Variants in VIRMA observed in about 807,000 individuals in gnomAD.
VIRMA encodes vir like m6A methyltransferase associated.
Under a neutral mutation model 182.4 loss-of-function variants are expected in VIRMA, and 65 were observed. That is an observed-to-expected ratio of 0.36 (90% CI 0.29 to 0.44). The LOEUF (loss-of-function observed/expected upper bound fraction) is 0.44. VIRMA is among the 20% of genes least tolerant of loss of function. The pLI, the probability that VIRMA is intolerant of heterozygous loss-of-function variation, is 1.00. For missense variants in VIRMA, 1,752 were observed against 2,158.1 expected, an observed-to-expected ratio of 0.81 and a Z score of 3.73; for synonymous variants, 709 against 743.1, an observed-to-expected ratio of 0.95 and a Z score of 0.75.
In VIRMA at chr8:94,516,907, G is replaced by A. The variant is rs545824198; in HGVS notation, c.2668+881C>T. Among the ~76,000 whole-genome samples, 120 of 152,180 alleles carry A rather than the reference G, an allele frequency of 7.9e-4. 1 individual carries two copies. In the South Asian group the frequency reaches 0.012, roughly 15 times the overall value. On this transcript the variant is annotated intron_variant, in intron 10 of 23. Coordinates refer to ENST00000297591, the MANE Select transcript of VIRMA (RefSeq NM_015496.5). ...AGCATTTTTACAATATTTACTCAAC[G>A]TTATCAAATTTTCTACTTGATAAGG...
intron 4 of VIRMA, among the ~76,000 whole-genome samples, chr8:94,535,898 C>T (rs1434282486): frequency 6.6e-6 from 1 of 152,122 alleles, no homozygotes; most frequent in Non-Finnish European, 1.5e-5. Flanking sequence ...CAATATTTCC[C>T]TATAAGAAAA....
intron 4 of VIRMA, 114 bp downstream of exon 4, chr8:94,536,989 A>G (rs1815367818): frequency 1.5e-5 from 12 of 799,542 alleles, no homozygotes; most frequent in Non-Finnish European, 2.1e-6. Context: ...AAAAAACACA[A>G]AGAAAAAAAA....
At chr8:94,526,143 G>T in intron 8 of VIRMA, 80 bp downstream of exon 8, 1 of 1,147,092 alleles carries the variant, frequency 8.7e-7, no homozygotes, top group Non-Finnish European at 1.2e-6. Flanking sequence ...CCTACAATCA[G>T]ATAAAAAGCA....
At position 94,540,482 on chromosome 8, in the gene VIRMA, G is replaced by A. The variant is rs201958845; in HGVS notation, c.180-2136C>T. Among the ~76,000 whole-genome samples the A allele has an allele frequency of 4.0e-4, 13 of 32,420 alleles. No individual in the cohort carries two copies. The East Asian group carries it at 7.5e-3, about 19-fold the overall frequency. 21.3% of individuals were successfully genotyped at this position (32,420 alleles called of 152,430 possible). ...TTTTCTTTTTTTTTTTTTTTTTTTT[G>A]AGACGGAGTCTTGCTCTTGTCGCCC... On this transcript the variant is annotated intron_variant, in intron 2 of 23. Coordinates refer to ENST00000297591, the MANE Select transcript of VIRMA (RefSeq NM_015496.5).
chr8:94,552,003 G>A (rs1816004520), intron 1 of VIRMA, among the ~76,000 whole-genome samples: 1 of 152,246 alleles, frequency 6.6e-6, no homozygotes, highest in Admixed American at 6.5e-5. Context: ...TTACAGGCAT[G>A]AGCCACTGCG....
At chr8:94,552,603 C>A (rs879525483) in intron 1 of VIRMA, among the ~76,000 whole-genome samples, 3 of 151,814 alleles carry the variant, frequency 2.0e-5, no homozygotes, top group Admixed American at 2.0e-4. Context: ...AGACTTCATT[C>A]AAGTTCATTT....
intron 19 of VIRMA, 112 bp downstream of exon 19, chr8:94,495,619 T>A (rs1007740165): frequency 1.5e-4 from 105 of 705,810 alleles, no homozygotes; most frequent in Non-Finnish European, 2.3e-4. Flanking sequence ...CTGCAAAGCC[T>A]AGAATTCTTA....
Position 94,488,727 on chromosome 8 carries a change from A to C in VIRMA, c.5418T>G (p.His1806Gln). 6.2e-7 allele frequency: 1 copy of C among 1,614,204 alleles called. No individual in the cohort carries two copies. The highest frequency in any genetic ancestry group is 8.5e-7 in the Non-Finnish European group (1 of 1,180,028). ...ATTTTTATCGTGTAAAGGAGCGTAC[A>C]TGACGACCTCTACCACTGCCTCCAC... ...FVSGGSGRGR[H>Q]VRSFTR Residue 1806 changes from histidine to glutamine, a missense_variant, in exon 24 of 24, where the codon CAT becomes CAG. Physicochemically the swap from His to Gln is conservative, Grantham distance 24 (BLOSUM62 0). This residue lies in a region of VIRMA where 132 missense variants were observed against 173.8 expected (regional missense o/e 0.76). Transcript: ENST00000297591.
chr8:94,503,585 TG>T (rs1279459932), intron 16 of VIRMA, among the ~76,000 whole-genome samples: 1 of 152,144 alleles, frequency 6.6e-6, no homozygotes, highest in Non-Finnish European at 1.5e-5. Flanking sequence ...CATTGGATCC[TG>T]GAACAGGAAA....
intron 8 of VIRMA, among the ~76,000 whole-genome samples, chr8:94,524,497 G>A (rs565233505): frequency 8.6e-5 from 13 of 151,888 alleles, no homozygotes; most frequent in African/African-American, 2.9e-4. Flanking sequence ...TAGAGACAGG[G>A]TTTCGTCATG....
At position 94,495,582 on chromosome 8, in the gene VIRMA, A is replaced by G. The variant is rs1813743997; in HGVS notation, c.4544+149T>C. The G allele has an allele frequency of 4.8e-5, 22 of 454,578 alleles. No homozygotes were observed. In the East Asian group the frequency reaches 7.6e-4, roughly 16 times the overall value. 28.2% of individuals were successfully genotyped at this position (454,578 alleles called of 1,614,324 possible). On this transcript the variant is annotated intron_variant, in intron 19 of 23. Coordinates refer to ENST00000297591, the MANE Select transcript of VIRMA (RefSeq NM_015496.5). ...TAAAAAAAAAAAAAAAAAACTAAAG[A>G]AGAATACACAACAGAGGCTGTATGG...
chr8:94,545,485 C>T (rs1480160419), intron 1 of VIRMA, among the ~76,000 whole-genome samples: 8 of 152,110 alleles, frequency 5.3e-5, no homozygotes, highest in Non-Finnish European at 1.0e-4. Flanking sequence ...TCTGTATTTG[C>T]TGCTACCAGT....
At position 94,526,667 on chromosome 8, in the gene VIRMA, T is replaced by C. The variant is rs780843918; in HGVS notation, c.1577A>G (p.Asn526Ser). The C allele has an allele frequency of 1.8e-5, 29 of 1,613,976 alleles. No homozygotes were observed. The highest frequency in any genetic ancestry group is 2.3e-5 in the Non-Finnish European group (27 of 1,180,012). ...AAGCTTTTGATAACCACTTTTTTCA[T>C]TCTGCCTACCTCTTAAAAAAGCTTC... Reference protein sequence around the residue: ...GMEAFLRGRQNEKSGYQKLLE... With the variant: ...GMEAFLRGRQSEKSGYQKLLE... Residue 526 changes from asparagine to serine, a missense_variant, in exon 8 of 24, where the codon AAT becomes AGT. Asn to Ser is a conservative substitution (Grantham distance 46). Transcript: ENST00000297591.
chr8:94,537,319 A>T (rs2304765), intron 3 of VIRMA, among the ~76,000 whole-genome samples, 168 bp from the exon 4 acceptor site: 41,137 of 151,968 alleles, frequency 0.27, 5,742 homozygotes, highest in South Asian at 0.45. Context: ...AAATGTGATT[A>T]AAAAAAATCA....
intron 16 of VIRMA, among the ~76,000 whole-genome samples, chr8:94,501,720 G>A (rs924823474): frequency 6.6e-6 from 1 of 152,130 alleles, no homozygotes; most frequent in Non-Finnish European, 1.5e-5. Flanking sequence ...CATTTTGGAA[G>A]GCAGAGACAG....
rs142580441 is a variant in VIRMA, at chr8:94,519,192, T to C, written c.2306A>G (p.Gln769Arg). Residue 769 changes from glutamine to arginine, a missense_variant, in exon 9 of 24, where the codon CAA (glutamine) becomes CGA (arginine). Coordinates refer to ENST00000297591, the MANE Select transcript of VIRMA (RefSeq NM_015496.5). ...LWLQDSTQTL[Q>R]CITELFSHFQ... ...ATGGCTGAACAGTTCTGTAATACAT[T>C]GCAATGTCTGTGTTGAGTCCTGTAG... 1.2e-6 allele frequency: 2 copies of C among 1,614,006 alleles called. No individual in the cohort carries two copies. The highest frequency in any genetic ancestry group is 2.7e-5 in the African/African-American group (2 of 74,930).
At chr8:94,489,877 C>T (rs1813555986) in intron 23 of VIRMA, 62 bp downstream of exon 23, 1 of 1,563,656 alleles carries the variant, frequency 6.4e-7, no homozygotes, top group Admixed American at 1.8e-5. Context: ...ATGATATCAA[C>T]AATTTTAAAG....
At chr8:94,538,023 C>T (rs1048985793) in intron 3 of VIRMA, among the ~76,000 whole-genome samples, 5 of 152,178 alleles carry the variant, frequency 3.3e-5, no homozygotes, top group African/African-American at 1.2e-4. Context: ...ATAAGAAACA[C>T]ATGCACGAGT....
intron 10 of VIRMA, among the ~76,000 whole-genome samples, chr8:94,515,347 A>G (rs373863845): frequency 6.6e-6 from 1 of 151,978 alleles, no homozygotes; most frequent in African/African-American, 2.4e-5. Flanking sequence ...CGCCCGCCTC[A>G]GCCTCCCAAA....
Sources: allele counts gnomAD v4.1 joint callset (sites outside exome capture counted in the v4.1 genomes callset), GRCh38; gene constraint gnomAD v4.1.1; regional missense constraint gnomAD v4.1.1; transcripts MANE v1.5; gene names NCBI Gene and HGNC (gene_info 2026-07-23, HGNC 2026-07-21).